The following PID1 variants were observed in gnomAD, a reference collection of about 807,000 sequenced individuals.
PID1 encodes the protein phosphotyrosine interaction domain containing 1, also known as PTB-containing, cubilin and LRP1-interacting protein.
In PID1, 10 loss-of-function variants were observed where a neutral mutation model predicts 19.1. The ratio of observed to expected loss-of-function variants is 0.52; its 90% confidence interval spans 0.32 to 0.89. The LOEUF (loss-of-function observed/expected upper bound fraction) is 0.89, where lower values mean the gene tolerates loss of function less well. Ranked by LOEUF, PID1 falls within the 40% of genes least tolerant of loss-of-function variation. PID1 has a pLI of 0.03. For missense variants in PID1, 248 were observed against 285.3 expected, an observed-to-expected ratio of 0.87 and a Z score of 0.94; for synonymous variants, 130 against 116.0, an observed-to-expected ratio of 1.12 and a Z score of -0.78.
chr2:229,044,866 A>C lies in PID1; in HGVS notation c.178-18758T>G, dbSNP rs182074723. Among the ~76,000 whole-genome samples, 26 of 152,350 alleles carry C rather than the reference A, an allele frequency of 1.7e-4. No homozygotes were observed. In the East Asian group the frequency reaches 5.0e-3, roughly 29 times the overall value. On this transcript the variant is annotated intron_variant, in intron 2 of 2. Transcript: ENST00000392055. ...GCTTGAGCCCAATAAAGACTAACGAATAAAAAATAAATTAATTCTCCTTAA... is the reference window on the plus strand; with the variant it reads ...GCTTGAGCCCAATAAAGACTAACGACTAAAAAATAAATTAATTCTCCTTAA...
intron 1 of PID1, among the ~76,000 whole-genome samples, chr2:229,254,645 A>G (rs1378649011): frequency 6.6e-6 from 1 of 152,220 alleles, no homozygotes; most frequent in Admixed American, 6.5e-5. Flanking sequence ...TTCAGGCACA[A>G]CTAAATTCCT....
intron 1 of PID1, among the ~76,000 whole-genome samples, chr2:229,203,076 C>T (rs557811604): frequency 6.0e-4 from 92 of 152,148 alleles, no homozygotes; most frequent in African/African-American, 2.0e-3. Flanking sequence ...TTTGGGGTAC[C>T]GGTTACAAAA....
chr2:229,081,633 G>A (rs146152575), intron 2 of PID1, among the ~76,000 whole-genome samples: 69 of 152,254 alleles, frequency 4.5e-4, no homozygotes, highest in African/African-American at 1.3e-3. Context: ...AATATGAGAC[G>A]CTCTAAGCTT....
At position 229,246,883 on chromosome 2, in the gene PID1, A is replaced by G. The variant is rs113867477; in HGVS notation, c.30+24131T>C. Among the ~76,000 whole-genome samples, 842 of 152,200 alleles carry G rather than the reference A, an allele frequency of 5.5e-3. 11 individuals are homozygous for G. The highest frequency in any genetic ancestry group is 0.019 in the African/African-American group (782 of 41,540). On this transcript the variant is annotated intron_variant, in intron 1 of 2. Transcript: ENST00000392055. ...ACAATCTTTTCAGACCAATTTAGCA[A>G]TTTGCAAAATGGAGAAGGTTTATCA...
intron 1 of PID1, among the ~76,000 whole-genome samples, chr2:229,235,612 T>A (rs995633589): frequency 6.6e-6 from 1 of 152,232 alleles, no homozygotes; most frequent in African/African-American, 2.4e-5. Flanking sequence ...ACTGGAACGC[T>A]GGCACCAACA....
intron 1 of PID1, among the ~76,000 whole-genome samples, chr2:229,207,109 C>T (rs1320309296): frequency 6.6e-6 from 1 of 152,074 alleles, no homozygotes; most frequent in Non-Finnish European, 1.5e-5. Context: ...TTTGCTTTCC[C>T]TACTACTAAT....
intron 1 of PID1, among the ~76,000 whole-genome samples, chr2:229,192,036 G>T (rs1300983840): frequency 6.6e-6 from 1 of 151,698 alleles, no homozygotes; most frequent in Non-Finnish European, 1.5e-5. Flanking sequence ...AAGTGATAAT[G>T]AACACACACT....
At chr2:229,068,286 C>A (rs1466713051) in intron 2 of PID1, among the ~76,000 whole-genome samples, 2 of 152,082 alleles carry the variant, frequency 1.3e-5, no homozygotes, top group African/African-American at 4.8e-5. Flanking sequence ...TCCACAGTGC[C>A]AGAAACTTGG....
intron 1 of PID1, among the ~76,000 whole-genome samples, chr2:229,252,272 G>A (rs1319307097): frequency 2.6e-5 from 4 of 152,180 alleles, no homozygotes; most frequent in African/African-American, 9.6e-5. Context: ...AGTTGTTTTT[G>A]TTTTTGTGTT....
chr2:229,156,843 C>G (rs990009338), intron 1 of PID1, among the ~76,000 whole-genome samples: 2 of 152,162 alleles, frequency 1.3e-5, no homozygotes, highest in African/African-American at 4.8e-5. Context: ...TGATTTCATC[C>G]TCCATCCCCA....
At chr2:229,094,184 G>A (rs141939195) in intron 2 of PID1, among the ~76,000 whole-genome samples, 11 of 152,048 alleles carry the variant, frequency 7.2e-5, no homozygotes, top group South Asian at 4.2e-4. Flanking sequence ...AACTCAATCC[G>A]CTTTAAAATA....
chr2:229,133,707 T>C (rs1471446391), intron 2 of PID1, among the ~76,000 whole-genome samples: 1 of 152,250 alleles, frequency 6.6e-6, no homozygotes, highest in Non-Finnish European at 1.5e-5. Context: ...ACTTAAAATA[T>C]TTAAACCAGC....
chr2:229,219,979 C>T (rs1376722538), intron 1 of PID1, among the ~76,000 whole-genome samples: 4 of 151,760 alleles, frequency 2.6e-5, no homozygotes, highest in African/African-American at 4.8e-5. Context: ...TATATGTGAT[C>T]GACTGTAAAT....
chr2:229,257,184 C>T (rs1483199776), intron 1 of PID1, among the ~76,000 whole-genome samples: 2 of 152,194 alleles, frequency 1.3e-5, no homozygotes, highest in Non-Finnish European at 2.9e-5. Context: ...TCCACCAAAG[C>T]ATTCAACACC....
chr2:229,044,168 T>G (rs1224048238), intron 2 of PID1, among the ~76,000 whole-genome samples: 1 of 152,198 alleles, frequency 6.6e-6, no homozygotes, highest in Non-Finnish European at 1.5e-5. Context: ...TATTGACTTT[T>G]TCGACTGTGC....
chr2:229,065,758 A>G (rs1466810468), intron 2 of PID1, among the ~76,000 whole-genome samples: 1 of 148,180 alleles, frequency 6.7e-6, no homozygotes, highest in African/African-American at 2.5e-5. Flanking sequence ...AGATTTATGT[A>G]AGGCATGAAC....
intron 1 of PID1, among the ~76,000 whole-genome samples, chr2:229,260,817 A>ATT (rs66533277): frequency 0.013 from 1,544 of 114,468 alleles, 21 homozygotes; most frequent in South Asian, 0.045. Context: ...TCTGATTGCC[A>ATT]TTTTTTTTTT....
chr2:229,063,522 A>C (rs1250867463), intron 2 of PID1, among the ~76,000 whole-genome samples: 1 of 152,114 alleles, frequency 6.6e-6, no homozygotes, highest in Non-Finnish European at 1.5e-5. Flanking sequence ...AAATTTATTG[A>C]AACTTGTTTT....
intron 2 of PID1, among the ~76,000 whole-genome samples, chr2:229,087,897 T>C (rs1478238612): frequency 1.3e-5 from 2 of 152,182 alleles, no homozygotes; most frequent in Non-Finnish European, 2.9e-5. Context: ...ATTACGTATA[T>C]GGTTCATCAG....
Sources: gnomAD v4.1 joint callset for allele counts (sites outside exome capture counted in the v4.1 genomes callset) on GRCh38, gnomAD v4.1.1 for gene constraint, MANE v1.5 for transcripts, NCBI Gene and HGNC (gene_info 2026-07-23, HGNC 2026-07-21) for gene names.